SGCA: variants seen among roughly 807,000 people sequenced by gnomAD.
The protein encoded by SGCA is alpha-sarcoglycan.
In SGCA, 34 loss-of-function variants were observed where a neutral mutation model predicts 38.1. The observed-to-expected ratio is 0.89, with a 90% CI of 0.68 to 1.19. The LOEUF (loss-of-function observed/expected upper bound fraction) is 1.19. Among genes scored for constraint, SGCA ranks in the 50% most tolerant of loss-of-function variants. The pLI is 0.00. For missense variants in SGCA, 476 were observed against 524.9 expected, an observed-to-expected ratio of 0.91 and a Z score of 0.91; for synonymous variants, 209 against 214.6, an observed-to-expected ratio of 0.97 and a Z score of 0.23.
chr17:50,170,447 G>A, intron 7 of SGCA, 96 bp downstream of exon 7: 1 of 1,399,994 alleles, frequency 7.1e-7, no homozygotes, highest in Non-Finnish European at 1.0e-6. Flanking sequence ...CAGACACCAT[G>A]GGAATGGGGT....
chr17:50,173,097 T>C (rs1905592280), intron 8 of SGCA, among the ~76,000 whole-genome samples: 1 of 152,254 alleles, frequency 6.6e-6, no homozygotes, highest in Non-Finnish European at 1.5e-5. Context: ...CAGAAAAATC[T>C]GCTGCCTCAG....
chr17:50,170,653 C>A lies in SGCA; in HGVS notation c.970C>A (p.Leu324Met), dbSNP rs1314886216. The A allele has an allele frequency of 6.4e-7, 1 of 1,561,506 alleles. No homozygotes were observed. The highest frequency in any genetic ancestry group is 8.7e-7 in the Non-Finnish European group (1 of 1,151,576). Residue 324 changes from leucine (L) to methionine (M), a missense_variant, in exon 8 of 10, where the codon CTG becomes ATG. By Grantham distance (15) the Leu-to-Met change is conservative. Coordinates refer to ENST00000262018, the MANE Select transcript of SGCA (RefSeq NM_000023.4). ...ACTTTTCCACAGGCTGAAGAGAGACCTGGCTACCTCCGAGTGAGTAAAGGA... is the reference window on the plus strand; with the variant it reads ...ACTTTTCCACAGGCTGAAGAGAGACATGGCTACCTCCGAGTGAGTAAAGGA... ...CRREGRLKRD[L>M]ATSDIQMVHH...
Position 50,169,064 on chromosome 17 carries a change from G to A in SGCA, c.585-28G>A, listed in dbSNP as rs1294500110. ...GCCTCGTGCCCCCTGCCCCCACTCT[G>A]CTGACAGTGACTTCTATCTGGTCCC... On this transcript the variant is annotated intron_variant, in intron 5 of 9. Coordinates refer to ENST00000262018, the MANE Select transcript of SGCA (RefSeq NM_000023.4). 3 of 1,612,124 alleles carry A rather than the reference G, an allele frequency of 1.9e-6. No homozygotes were observed. In the Admixed American group the frequency reaches 5.0e-5, roughly 27 times the overall value.
In SGCA at chr17:50,175,251, C is replaced by T. The variant is rs1379986829; in HGVS notation, c.984-6C>T. On this transcript the variant is annotated splice_region_variant and splice_polypyrimidine_tract_variant and intron_variant, in intron 8 of 9. Transcript: ENST00000262018. ...AGAGCTGATGACTCCCCACCTGTGC[C>T]TCCAGCATCCAGATGGTCCACCACT... 3.1e-6 allele frequency: 5 copies of T among 1,598,588 alleles called. No individual in the cohort carries two copies. Among genetic ancestry groups the T allele is most frequent in the South Asian group, 1.1e-5 (1 of 88,898 alleles).
At chr17:50,166,594 C>T (rs1904822424) in intron 1 of SGCA, among the ~76,000 whole-genome samples, 1 of 152,026 alleles carries the variant, frequency 6.6e-6, no homozygotes, top group South Asian at 2.1e-4. Context: ...CCCCGTCTTC[C>T]TCTCCTCTGG....
In SGCA at chr17:50,175,795, T is replaced by C. The variant is rs916146668; in HGVS notation, c.*96T>C. Reference sequence around the variant, plus strand: ...CATCCCACCTGCTGATTCCAGCTCCTGGCCCTCCTGGAACCCAGGCTCTAA... The same window carrying C: ...CATCCCACCTGCTGATTCCAGCTCCCGGCCCTCCTGGAACCCAGGCTCTAA... On this transcript the variant is annotated 3_prime_UTR_variant, in exon 10 of 10. Coordinates refer to ENST00000262018, the MANE Select transcript of SGCA (RefSeq NM_000023.4). 4.8e-5 allele frequency: 24 copies of C among 503,058 alleles called. No homozygotes were observed. The highest frequency in any genetic ancestry group is 3.7e-4 in the African/African-American group (19 of 51,984). 31.2% of individuals were successfully genotyped at this position (503,058 alleles called of 1,614,324 possible). A position where few individuals can be genotyped will look rare whatever the true frequency, so the allele number is the denominator to read the frequency against.
chr17:50,168,727 C>T (rs962322295), intron 5 of SGCA, among the ~76,000 whole-genome samples, 155 bp downstream of exon 5: 5 of 152,066 alleles, frequency 3.3e-5, no homozygotes, highest in Admixed American at 2.0e-4. Context: ...TGGCTATACC[C>T]GCATCTCCTT....
rs780264754 is a variant in SGCA, at chr17:50,168,390, C to G, written c.402C>G (p.Tyr134Ter). 3.2e-6 allele frequency: 5 copies of G among 1,582,398 alleles called. No homozygotes were observed. The highest frequency in any genetic ancestry group is 4.3e-6 in the Non-Finnish European group (5 of 1,164,486). The change falls in exon 5 of 10, where the codon TAC becomes TAG. Residue 134 changes from tyrosine to a stop codon, truncating the protein, a stop_gained. Transcript: ENST00000262018. LOFTEE classifies it high-confidence loss of function. ...CCTTCCCAGGCCCCCTGCTGCCATA[C>G]CAAGCCGAGTTCCTGGTGCGCAGCC... ...IGDPEGPLLP[Y>*]QAEFLVRSHD...
chr17:50,167,504 G>A lies in SGCA; in HGVS notation c.157+17G>A. 6.2e-7 allele frequency: 1 copy of A among 1,614,130 alleles called. No homozygotes were observed. The highest frequency in any genetic ancestry group is 1.1e-5 in the South Asian group (1 of 91,084). Reference sequence around the variant, plus strand: ...AGCATGTCGGTGAGCGGCCTGACAGGCACCCAGGCGGGCGGGCTGGGGTGT... The same window carrying A: ...AGCATGTCGGTGAGCGGCCTGACAGACACCCAGGCGGGCGGGCTGGGGTGT... On this transcript the variant is annotated intron_variant, in intron 2 of 9. Coordinates refer to ENST00000262018, the MANE Select transcript of SGCA (RefSeq NM_000023.4). This position sits in a 1 kb window ranked among gnomAD's most constrained non-coding sequence, Gnocchi z 4.5.
At chr17:50,172,173 T>G (rs764347808) in intron 8 of SGCA, 4 of 456,830 alleles carry the variant, frequency 8.8e-6, no homozygotes, top group Non-Finnish European at 1.3e-5. Context: ...GGCCCTCACC[T>G]TTACCTGTGT....
intron 9 of SGCA, 65 bp downstream of exon 9, chr17:50,175,514 G>A: frequency 7.0e-7 from 1 of 1,418,766 alleles, no homozygotes. Flanking sequence ...ACAAGGCTGG[G>A]GCAAATGGTG....
rs769951787 is a variant in SGCA, at chr17:50,175,404, C to T, written c.1131C>T (p.Ser377=). ...TGERLPPRVD[S]AQVPLILDQH ...AGCGGCTGCCTCCCCGCGTGGACAGCGCCCAGGTGCCCCTCATTCTGGACC... is the reference window on the plus strand; with the variant it reads ...AGCGGCTGCCTCCCCGCGTGGACAGTGCCCAGGTGCCCCTCATTCTGGACC... Residue 377 remains serine (S), a synonymous_variant, in exon 9 of 10, where the codon AGC becomes AGT. Coordinates refer to ENST00000262018, the MANE Select transcript of SGCA (RefSeq NM_000023.4). 1.1e-5 allele frequency: 17 copies of T among 1,613,040 alleles called. No homozygotes were observed. In the Middle Eastern group the frequency reaches 4.9e-4, roughly 47 times the overall value.
At chr17:50,174,856 G>A (rs559084851) in intron 8 of SGCA, among the ~76,000 whole-genome samples, 26 of 151,594 alleles carry the variant, frequency 1.7e-4, no homozygotes, top group Non-Finnish European at 3.1e-4. Flanking sequence ...AGTCTCTTGC[G>A]ATCTCAGCTC....
At chr17:50,169,414 T>TAAAC (rs1555569087) in intron 6 of SGCA, 160 bp downstream of exon 6, 12 of 481,354 alleles carry the variant, frequency 2.5e-5, no homozygotes, top group Non-Finnish European at 4.5e-5. Context: ...AGTCTGAGGA[T>TAAAC]ACACACACAC....
intron 1 of SGCA, among the ~76,000 whole-genome samples, chr17:50,166,909 CA>C (rs1446443673): frequency 2.9e-5 from 2 of 67,954 alleles, no homozygotes; most frequent in Admixed American, 1.5e-4. Context: ...CGCAAACACA[CA>C]CCCCCCACAC....
Position 50,175,791 on chromosome 17 carries a change from C to T in SGCA, c.*92C>T, listed in dbSNP as rs77472740. The T allele has an allele frequency of 0.027, 13,951 of 508,056 alleles. 308 individuals are homozygous for T. Among genetic ancestry groups the T allele is most frequent in the African/African-American group, 0.086 (4,515 of 52,274 alleles). 31.5% of individuals were successfully genotyped at this position (508,056 alleles called of 1,614,324 possible). On this transcript the variant is annotated 3_prime_UTR_variant, in exon 10 of 10. Transcript: ENST00000262018. ...GGCACATCCCACCTGCTGATTCCAGCTCCTGGCCCTCCTGGAACCCAGGCT... is the reference window on the plus strand; with the variant it reads ...GGCACATCCCACCTGCTGATTCCAGTTCCTGGCCCTCCTGGAACCCAGGCT...
chr17:50,171,895 G>A (rs956450724), intron 8 of SGCA: 3 of 456,674 alleles, frequency 6.6e-6, no homozygotes, highest in African/African-American at 4.0e-5. Context: ...TGGGCTTCTG[G>A]CAGGGTTTGG....
chr17:50,169,414 TACAC>T (rs3138607), intron 6 of SGCA, 160 bp downstream of exon 6: 423 of 481,224 alleles, frequency 8.8e-4, no homozygotes, highest in African/African-American at 1.1e-3. Flanking sequence ...AGTCTGAGGA[TACAC>T]ACACACACAC....
intron 6 of SGCA, chr17:50,169,844 G>A: frequency 1.9e-6 from 1 of 513,942 alleles, no homozygotes; most frequent in Non-Finnish European, 3.6e-6. Context: ...CTATGTGCTT[G>A]GCACTGTCCC....
Sources: allele counts gnomAD v4.1 joint callset (sites outside exome capture counted in the v4.1 genomes callset), GRCh38; gene constraint gnomAD v4.1.1; non-coding constraint Gnocchi (gnomAD v3.1); transcripts MANE v1.5; gene names NCBI Gene and HGNC (gene_info 2026-07-23, HGNC 2026-07-21).